The following PROSER2 variants were observed in gnomAD, a reference collection of about 807,000 sequenced individuals.
The protein encoded by PROSER2 is proline and serine rich 2.
PROSER2 carries 18 observed loss-of-function variants against 14.6 expected under a neutral mutation model. The ratio of observed to expected loss-of-function variants is 1.23; its 90% CI spans 0.85 to 1.83. The LOEUF (loss-of-function observed/expected upper bound fraction) is 1.83, where lower values mean the gene tolerates loss of function less well. Ranked by LOEUF, PROSER2 falls within the 40% of genes most tolerant of loss-of-function variation. The probability of loss-of-function intolerance (pLI) is 0.00; values close to 1 mark genes in which losing one functional copy is unlikely to be tolerated. For synonymous variants in PROSER2, 367 were observed against 286.4 expected, an observed-to-expected ratio of 1.28 and a Z score of -2.84; for missense variants, 823 against 629.8, an observed-to-expected ratio of 1.31 and a Z score of -3.28.
intron 1 of PROSER2, among the ~76,000 whole-genome samples, chr10:11,843,878 T>G: frequency 6.6e-6 from 1 of 151,330 alleles, no homozygotes; most frequent in Admixed American, 6.6e-5. Flanking sequence ...TTATAGTACA[T>G]ATAGATTTAG....
chr10:11,860,177 T>C (rs1025005726), intron 2 of PROSER2, among the ~76,000 whole-genome samples: 3 of 152,234 alleles, frequency 2.0e-5, no homozygotes, highest in African/African-American at 7.2e-5. Flanking sequence ...AAGGCCAGAC[T>C]GACTACAGAG....
rs1369603200 is a variant in PROSER2, at chr10:11,836,630, G to C, written c.-82+13160G>C. 6.6e-6 allele frequency among the ~76,000 whole-genome samples: 1 copy of C among 152,172 alleles called. No individual in the cohort carries two copies. Among genetic ancestry groups the C allele is most frequent in the Non-Finnish European group, 1.5e-5 (1 of 68,036 alleles). On this transcript the variant is annotated intron_variant, in intron 1 of 3. Coordinates refer to ENST00000277570, the MANE Select transcript of PROSER2 (RefSeq NM_153256.4). The surrounding 1 kb of genome is among the most constrained non-coding windows in gnomAD (Gnocchi z 4.6). ...AGGTGTGCACTTTGACCCTGCTGTAGTGTGTAAGTATGCTCACTGACCTCT... is the reference window on the plus strand; with the variant it reads ...AGGTGTGCACTTTGACCCTGCTGTACTGTGTAAGTATGCTCACTGACCTCT...
intron 1 of PROSER2, among the ~76,000 whole-genome samples, chr10:11,829,929 C>T (rs1349290385): frequency 6.7e-6 from 1 of 150,068 alleles, no homozygotes; most frequent in Admixed American, 6.7e-5. Context: ...CCGCAGCCTC[C>T]ACCTCCTGGG....
At chr10:11,827,086 A>G (rs1323394247) in intron 1 of PROSER2, among the ~76,000 whole-genome samples, 1 of 148,118 alleles carries the variant, frequency 6.8e-6, no homozygotes, top group East Asian at 2.0e-4. Context: ...GGGTTTTGCC[A>G]TGTTACCCAG....
At position 11,851,912 on chromosome 10, in the gene PROSER2, T is replaced by G. The variant is rs1012429892; in HGVS notation, c.-81-85T>G. The G allele has an allele frequency of 6.7e-6, 4 of 595,684 alleles. No homozygotes were observed. In the Admixed American group the frequency reaches 1.7e-4, roughly 25 times the overall value. The allele number at this position is 595,684 out of a possible 1,614,324, so 36.9% of individuals were successfully genotyped here. On this transcript the variant is annotated intron_variant, in intron 1 of 3. Transcript: ENST00000277570. ...TAATGGTCGAGTCTGAGAGTGGAGA[T>G]TAATCTAAGCCATGTTTTTGAGGGA...
Position 11,869,470 on chromosome 10 carries a change from G to A in PROSER2, c.392-20G>A. 1 of 1,597,666 alleles carries A rather than the reference G, an allele frequency of 6.3e-7. No homozygotes were observed. Among genetic ancestry groups the A allele is most frequent in the Non-Finnish European group, 8.6e-7 (1 of 1,165,306 alleles). On this transcript the variant is annotated intron_variant, in intron 3 of 3. Coordinates refer to ENST00000277570, the MANE Select transcript of PROSER2 (RefSeq NM_153256.4). The surrounding 1 kb of genome is among the most constrained non-coding windows in gnomAD (Gnocchi z 4.4). Reference sequence around the variant, plus strand: ...TTTCACGTGGGCCGGTGGCTCACAGGCTCCTCCCTTGTCTTCCAGGGCCTG... The same window carrying A: ...TTTCACGTGGGCCGGTGGCTCACAGACTCCTCCCTTGTCTTCCAGGGCCTG...
At chr10:11,847,399 C>T (rs1250777166) in intron 1 of PROSER2, among the ~76,000 whole-genome samples, 1 of 152,060 alleles carries the variant, frequency 6.6e-6, no homozygotes, top group Non-Finnish European at 1.5e-5. Context: ...AGTCCTTATT[C>T]TGTTTTGTTG....
intron 3 of PROSER2, among the ~76,000 whole-genome samples, chr10:11,868,027 C>G (rs1834389996): frequency 1.3e-5 from 2 of 152,160 alleles, no homozygotes; most frequent in African/African-American, 4.8e-5. Flanking sequence ...ATGTATTACT[C>G]AGAACTTCAC....
intron 1 of PROSER2, among the ~76,000 whole-genome samples, chr10:11,847,103 C>G (rs1248127460): frequency 6.6e-6 from 1 of 150,376 alleles, no homozygotes; most frequent in South Asian, 2.1e-4. Context: ...TAGCTCATGA[C>G]TAGGCTCAAG....
At chr10:11,858,313 T>C (rs1413612748) in intron 2 of PROSER2, among the ~76,000 whole-genome samples, 2 of 152,214 alleles carry the variant, frequency 1.3e-5, no homozygotes, top group African/African-American at 4.8e-5. Context: ...AACCAAAGAT[T>C]TGATTCTACC....
chr10:11,831,047 T>G (rs1833683438), intron 1 of PROSER2, among the ~76,000 whole-genome samples: 1 of 152,204 alleles, frequency 6.6e-6, no homozygotes, highest in Non-Finnish European at 1.5e-5. Context: ...TGTGTGAGCT[T>G]CTTCCACCCT....
intron 1 of PROSER2, among the ~76,000 whole-genome samples, chr10:11,825,768 C>T (rs974580547): frequency 3.9e-5 from 6 of 152,168 alleles, no homozygotes; most frequent in African/African-American, 1.4e-4. Flanking sequence ...GAGCATTCTG[C>T]CTTGTCGGAC....
At chr10:11,845,506 C>G (rs982710944) in intron 1 of PROSER2, among the ~76,000 whole-genome samples, 18 of 152,234 alleles carry the variant, frequency 1.2e-4, no homozygotes, top group African/African-American at 3.6e-4. Context: ...ATAGAGGATA[C>G]ACACAAAAAT....
intron 2 of PROSER2, 123 bp downstream of exon 2, chr10:11,852,338 A>G: frequency 9.2e-7 from 1 of 1,085,386 alleles, no homozygotes; most frequent in Middle Eastern, 2.4e-4. Flanking sequence ...ATGTTCTGGA[A>G]TACTTCTTTG....
chr10:11,843,577 T>G (rs1833882165), intron 1 of PROSER2, among the ~76,000 whole-genome samples: 1 of 151,504 alleles, frequency 6.6e-6, no homozygotes, highest in African/African-American at 2.4e-5. Context: ...TCCCAGCTAC[T>G]CGAGAGGCTG....
chr10:11,847,724 T>C (rs115109703), intron 1 of PROSER2, among the ~76,000 whole-genome samples: 1,586 of 152,278 alleles, frequency 0.01, 28 homozygotes, highest in African/African-American at 0.036. Context: ...CAGCCCTTAT[T>C]CTGTTTTGAA....
chr10:11,840,652 C>T (rs1038371393), intron 1 of PROSER2, among the ~76,000 whole-genome samples: 11 of 151,840 alleles, frequency 7.2e-5, no homozygotes, highest in African/African-American at 1.7e-4. Flanking sequence ...GGGGGCCAGG[C>T]GCGGTGGCTC....
At position 11,837,527 on chromosome 10, in the gene PROSER2, A is replaced by C. The variant is rs1420442324; in HGVS notation, c.-82+14057A>C. Reference sequence around the variant, plus strand: ...AATATAGGTACATGGGGTTGTCTTCAGACCCAGCCTGGACCTGTTTTTGTG... The same window carrying C: ...AATATAGGTACATGGGGTTGTCTTCCGACCCAGCCTGGACCTGTTTTTGTG... On this transcript the variant is annotated intron_variant, in intron 1 of 3. Transcript: ENST00000277570. This position sits in a 1 kb window ranked among gnomAD's most constrained non-coding sequence, Gnocchi z 4.6. 6.6e-6 allele frequency among the ~76,000 whole-genome samples: 1 copy of C among 152,236 alleles called. No individual in the cohort carries two copies. The highest frequency in any genetic ancestry group is 1.5e-5 in the Non-Finnish European group (1 of 68,046).
intron 2 of PROSER2, among the ~76,000 whole-genome samples, chr10:11,853,186 T>G (rs532138963): frequency 2.0e-5 from 3 of 152,324 alleles, no homozygotes; most frequent in Admixed American, 2.0e-4. Context: ...TCAGTTACGC[T>G]GAAGCTAGAT....
Sources: gnomAD v4.1 joint callset for allele counts (sites outside exome capture counted in the v4.1 genomes callset) on GRCh38, gnomAD v4.1.1 for gene constraint, Gnocchi (gnomAD v3.1) non-coding constraint, MANE v1.5 for transcripts, NCBI Gene and HGNC (gene_info 2026-07-23, HGNC 2026-07-21) for gene names.